The following DNM3 variants were observed in gnomAD, a reference collection of about 807,000 sequenced individuals.
DNM3 encodes the protein dynamin 3.
In DNM3, 47 loss-of-function variants were observed where a neutral mutation model predicts 101.6. The observed-to-expected ratio is 0.46, with a 90% confidence interval of 0.37 to 0.59. The LOEUF (loss-of-function observed/expected upper bound fraction) is 0.59, where lower values mean the gene tolerates loss of function less well. DNM3 is among the 20% of genes least tolerant of loss of function. The pLI is 0.00. For missense variants in DNM3, 849 were observed against 1,085.7 expected, an observed-to-expected ratio of 0.78 and a Z score of 3.06; for synonymous variants, 385 against 387.9, an observed-to-expected ratio of 0.99 and a Z score of 0.09.
At chr1:172,339,096 C>A (rs1300630393) in intron 17 of DNM3, 2 of 481,068 alleles carry the variant, frequency 4.2e-6, no homozygotes, top group Non-Finnish European at 8.2e-6. Context: ...GGGAACATCT[C>A]ACTGTGAAAT....
At chr1:171,937,362 C>T (rs139184483) in intron 2 of DNM3, among the ~76,000 whole-genome samples, 44 of 152,054 alleles carry the variant, frequency 2.9e-4, no homozygotes, top group Admixed American at 1.8e-3. Context: ...ACAGCTTTGA[C>T]CTTGTTCTGC....
At chr1:172,302,145 G>GA (rs113345961) in intron 15 of DNM3, among the ~76,000 whole-genome samples, 6,497 of 152,220 alleles carry the variant, frequency 0.043, 438 homozygotes, top group African/African-American at 0.14. Flanking sequence ...ACTATACCTG[G>GA]AAAAATGGGA....
chr1:172,301,179 A>G (rs1324159630), intron 15 of DNM3, among the ~76,000 whole-genome samples: 1 of 152,142 alleles, frequency 6.6e-6, no homozygotes, highest in Non-Finnish European at 1.5e-5. Flanking sequence ...CTGGAAAGGT[A>G]ATTAGGAGTT....
chr1:172,092,334 C>G (rs1448654118), intron 12 of DNM3, among the ~76,000 whole-genome samples: 3 of 152,158 alleles, frequency 2.0e-5, no homozygotes, highest in Non-Finnish European at 4.4e-5. Flanking sequence ...AGCCATGCTA[C>G]TTGGTACTAC....
At chr1:172,270,728 A>G (rs553320317) in intron 15 of DNM3, among the ~76,000 whole-genome samples, 1 of 152,306 alleles carries the variant, frequency 6.6e-6, no homozygotes, top group South Asian at 2.1e-4. Context: ...TTTCATGAAG[A>G]AAATATTTGC....
intron 2 of DNM3, among the ~76,000 whole-genome samples, chr1:171,927,436 T>C (rs1466098006): frequency 6.6e-6 from 1 of 152,182 alleles, no homozygotes; most frequent in South Asian, 2.1e-4. Flanking sequence ...GTCTACTTTT[T>C]CCTTCTTTGT....
chr1:172,172,298 C>A (rs1207631220), intron 14 of DNM3, among the ~76,000 whole-genome samples: 1 of 151,646 alleles, frequency 6.6e-6, no homozygotes, highest in Non-Finnish European at 1.5e-5. Flanking sequence ...CATTCCAAGA[C>A]TCCGCATAGA....
rs2031177250 is a variant in DNM3, at chr1:171,841,530, A to G, written c.-127A>G. 1 of 1,323,570 alleles carries G rather than the reference A, an allele frequency of 7.6e-7. No individual in the cohort carries two copies. The highest frequency in any genetic ancestry group is 1.0e-6 in the Non-Finnish European group (1 of 1,003,540). 82.0% of individuals were successfully genotyped at this position (1,323,570 alleles called of 1,614,324 possible). A position where few individuals can be genotyped will look rare whatever the true frequency, so the allele number is the denominator to read the frequency against. On this transcript the variant is annotated 5_prime_UTR_variant, in exon 1 of 21. Coordinates refer to ENST00000627582, the MANE Select transcript of DNM3 (RefSeq NM_015569.5). ...AGCGGCGGGCTGGCGGCGGGCTCCG[A>G]CGTCTGCGCCAGGACCTGGCTGGCT...
chr1:172,176,843 C>T (rs2059168802), intron 14 of DNM3, among the ~76,000 whole-genome samples: 1 of 151,396 alleles, frequency 6.6e-6, no homozygotes, highest in Non-Finnish European at 1.5e-5. Flanking sequence ...AAGTGACCAA[C>T]TCAAAATAAT....
chr1:172,292,714 C>G (rs2063980894), intron 15 of DNM3, among the ~76,000 whole-genome samples: 1 of 151,962 alleles, frequency 6.6e-6, no homozygotes, highest in Admixed American at 6.6e-5. Context: ...TTGCATTAAC[C>G]TAATATGTGG....
intron 1 of DNM3, among the ~76,000 whole-genome samples, chr1:171,844,912 G>T (rs988877835): frequency 6.6e-6 from 1 of 152,142 alleles, no homozygotes; most frequent in East Asian, 1.9e-4. Flanking sequence ...TGATAATAAT[G>T]GTTAACATTT....
intron 17 of DNM3, among the ~76,000 whole-genome samples, chr1:172,330,725 G>A (rs1045146660): frequency 6.6e-6 from 1 of 151,998 alleles, no homozygotes; most frequent in Non-Finnish European, 1.5e-5. Flanking sequence ...CTTAAATAGA[G>A]GATGGTGAGA....
At chr1:172,317,491 G>A (rs1342233434) in intron 16 of DNM3, among the ~76,000 whole-genome samples, 1 of 152,166 alleles carries the variant, frequency 6.6e-6, no homozygotes, top group Admixed American at 6.5e-5. Flanking sequence ...TAGACCACTA[G>A]CAAGACTAAT....
Position 172,379,137 on chromosome 1 carries a change from C to G in DNM3, c.2013C>G (p.Ile671Met). 1.2e-6 allele frequency: 2 copies of G among 1,611,094 alleles called. No individual in the cohort carries two copies. The highest frequency in any genetic ancestry group is 1.7e-6 in the Non-Finnish European group (2 of 1,178,358). The change falls in exon 18 of 21, where the codon ATC becomes ATG. Residue 671 changes from isoleucine (I) to methionine (M), a missense_variant. Physicochemically the swap from Ile to Met is conservative, Grantham distance 10. Coordinates refer to ENST00000627582, the MANE Select transcript of DNM3 (RefSeq NM_015569.5). Reference sequence around the variant, plus strand: ...ACATGTCCATTATCAACAAATGTATCCGAGATCTAATTCCAAAAACAATAA... The same window carrying G: ...ACATGTCCATTATCAACAAATGTATGCGAGATCTAATTCCAAAAACAATAA... ...DSYMSIINKCIRDLIPKTIMH... is the reference protein window; with the variant it reads ...DSYMSIINKCMRDLIPKTIMH...
chr1:171,851,536 C>A (rs912275132), intron 1 of DNM3, among the ~76,000 whole-genome samples: 6 of 152,152 alleles, frequency 3.9e-5, no homozygotes, highest in Admixed American at 2.0e-4. Flanking sequence ...GCCTCAGCCA[C>A]CTGAGTAGCT....
At chr1:172,368,361 T>C (rs1475658837) in intron 17 of DNM3, among the ~76,000 whole-genome samples, 1 of 151,820 alleles carries the variant, frequency 6.6e-6, no homozygotes, top group Non-Finnish European at 1.5e-5. Flanking sequence ...TTAAACAACA[T>C]GCTCCAAAAC....
rs1362768272 is a variant in DNM3, at chr1:172,068,841, G to T, written c.1358G>T (p.Cys453Phe). 1 of 1,573,976 alleles carries T rather than the reference G, an allele frequency of 6.4e-7. No homozygotes were observed. Among genetic ancestry groups the T allele is most frequent in the Admixed American group, 1.9e-5 (1 of 53,994 alleles). ...TKKLANFPRLCEETERIVANH... is the reference protein window; with the variant it reads ...TKKLANFPRLFEETERIVANH... Reference sequence around the variant, plus strand: ...CAGCTGGCAAACTTCCCCAGACTCTGCGAGGAAACGGAAAGGATTGTTGCT... The same window carrying T: ...CAGCTGGCAAACTTCCCCAGACTCTTCGAGGAAACGGAAAGGATTGTTGCT... The change falls in exon 11 of 21, where the codon TGC (cysteine) becomes TTC (phenylalanine). Residue 453 changes from cysteine (C) to phenylalanine (F), a missense_variant. By Grantham distance (205) the Cys-to-Phe change is radical. This residue lies in a region of DNM3 where 193 missense variants were observed against 238.4 expected (regional missense o/e 0.81). Transcript: ENST00000627582.
At chr1:172,242,390 A>C (rs1374462965) in intron 14 of DNM3, among the ~76,000 whole-genome samples, 1 of 152,148 alleles carries the variant, frequency 6.6e-6, no homozygotes, top group Non-Finnish European at 1.5e-5. Flanking sequence ...TGCTGAAGGT[A>C]AGAATGAGTT....
At chr1:172,040,602 A>G (rs2049305817) in intron 7 of DNM3, among the ~76,000 whole-genome samples, 1 of 152,120 alleles carries the variant, frequency 6.6e-6, no homozygotes, top group Admixed American at 6.6e-5. Context: ...GGTAAAGAAA[A>G]CACACATTCC....
Sources: allele counts gnomAD v4.1 joint callset (sites outside exome capture counted in the v4.1 genomes callset), GRCh38; gene constraint gnomAD v4.1.1; regional missense constraint gnomAD v4.1.1; transcripts MANE v1.5; gene names NCBI Gene and HGNC (gene_info 2026-07-23, HGNC 2026-07-21).